TUSC3: variants seen among roughly 807,000 people sequenced by gnomAD.
TUSC3 encodes the protein tumor suppressor candidate 3.
A neutral mutation model predicts 44.8 loss-of-function variants in TUSC3; 45 were observed. That is an observed-to-expected ratio of 1.00 (90% confidence interval 0.79 to 1.29). The LOEUF (loss-of-function observed/expected upper bound fraction) is 1.29, where lower values mean the gene tolerates loss of function less well. Ranked by LOEUF, TUSC3 falls within the 50% of genes most tolerant of loss-of-function variation. TUSC3 has a pLI of 0.00. For missense variants in TUSC3, 519 were observed against 437.9 expected, an observed-to-expected ratio of 1.19 and a Z score of -1.65; for synonymous variants, 212 against 152.9, an observed-to-expected ratio of 1.39 and a Z score of -2.85.
intron 1 of TUSC3, among the ~76,000 whole-genome samples, chr8:15,593,254 T>G (rs1803929436): frequency 6.6e-6 from 1 of 151,868 alleles, no homozygotes; most frequent in Non-Finnish European, 1.5e-5. Context: ...CCTGGCTAAT[T>G]TTTGTAGTTT....
intron 6 of TUSC3, among the ~76,000 whole-genome samples, chr8:15,703,321 C>G (rs1269081813): frequency 1.3e-5 from 2 of 152,050 alleles, no homozygotes; most frequent in Non-Finnish European, 2.9e-5. Flanking sequence ...TCCAGCTACT[C>G]TATACTTTCA....
the TUSC3 span, among the ~76,000 whole-genome samples, chr8:15,777,460 G>A: frequency 1.3e-5 from 2 of 152,264 alleles, no homozygotes; most frequent in South Asian, 2.1e-4. Flanking sequence ...ACATCCCCAT[G>A]TATGCTGCTT....
chr8:15,549,450 G>A lies in TUSC3; in HGVS notation c.138+8882G>A, dbSNP rs1226299658. ...GCCTCCCAAAGTGCTGGGATTACAG[G>A]CGTGAGCCACCATGCTCGGCCTAAT... On this transcript the variant is annotated intron_variant, in intron 1 of 10. Transcript: ENST00000503731. 4.0e-5 allele frequency among the ~76,000 whole-genome samples: 6 copies of A among 151,734 alleles called. No individual in the cohort carries two copies. The East Asian group carries it at 1.2e-3, about 29-fold the overall frequency.
intron 1 of TUSC3, among the ~76,000 whole-genome samples, chr8:15,430,415 A>G (rs1286329618): frequency 6.6e-6 from 1 of 150,672 alleles, no homozygotes; most frequent in Non-Finnish European, 1.5e-5. Flanking sequence ...AAGGCCTTTG[A>G]CAAAGTTCAA....
intron 2 of TUSC3, among the ~76,000 whole-genome samples, chr8:15,500,870 T>A (rs545608551): frequency 6.6e-6 from 1 of 152,300 alleles, no homozygotes; most frequent in East Asian, 1.9e-4. Flanking sequence ...TTTCAACTGG[T>A]CACTAGCCTT....
the TUSC3 span, among the ~76,000 whole-genome samples, chr8:15,804,371 G>A: frequency 6.6e-6 from 1 of 152,102 alleles, no homozygotes; most frequent in Non-Finnish European, 1.5e-5. Context: ...ATTTACAATT[G>A]CTTTTGAGAA....
intron 3 of TUSC3, among the ~76,000 whole-genome samples, chr8:15,656,087 C>T (rs888467107): frequency 2.0e-5 from 3 of 151,998 alleles, no homozygotes; most frequent in African/African-American, 4.8e-5. Flanking sequence ...TGGGCAGAGG[C>T]AGAATATGAT....
chr8:15,743,462 C>A, intron 7 of TUSC3, 76 bp from the exon 8 acceptor site: 2 of 1,430,074 alleles, frequency 1.4e-6, no homozygotes, highest in Non-Finnish European at 2.0e-6. Context: ...CATTCTGGAA[C>A]ATTGTGTTCA....
chr8:15,575,936 A>C (rs1231649520), intron 1 of TUSC3, among the ~76,000 whole-genome samples: 1 of 151,098 alleles, frequency 6.6e-6, no homozygotes, highest in African/African-American at 2.4e-5. Context: ...AATCAAATTT[A>C]TGGTTTATAT....
chr8:15,722,408 C>G lies in TUSC3; in HGVS notation c.799-8258C>G, dbSNP rs563741925. Among the ~76,000 whole-genome samples the G allele has an allele frequency of 2.6e-5, 4 of 152,126 alleles. No homozygotes were observed. The South Asian group carries it at 8.3e-4, about 32-fold the overall frequency. The stretch of plus-strand genomic sequence containing the variant: ...CTGAATAAGACCAAGCATGGGGTCA[C>G]AGTTAACCAAAAATCTGTGGACTGA... On this transcript the variant is annotated intron_variant, in intron 6 of 10. Coordinates refer to ENST00000503731, the MANE Select transcript of TUSC3 (RefSeq NM_006765.4).
intron 7 of TUSC3, among the ~76,000 whole-genome samples, chr8:15,733,942 GC>G (rs1563196161): frequency 6.6e-6 from 1 of 152,168 alleles, no homozygotes; most frequent in African/African-American, 2.4e-5. Flanking sequence ...TACTTGGGAG[GC>G]GGAGGCAGGA....
intron 1 of TUSC3, among the ~76,000 whole-genome samples, chr8:15,465,293 G>T (rs1176860881): frequency 2.6e-5 from 4 of 152,166 alleles, no homozygotes; most frequent in Non-Finnish European, 5.9e-5. Context: ...AAGGATAGAA[G>T]TAAATGTAAC....
intron 1 of TUSC3, among the ~76,000 whole-genome samples, chr8:15,418,438 C>T (rs1454957363): frequency 6.6e-6 from 1 of 152,086 alleles, no homozygotes; most frequent in Non-Finnish European, 1.5e-5. Context: ...AACAGTATTT[C>T]TCAAACTACT....
intron 1 of TUSC3, among the ~76,000 whole-genome samples, chr8:15,441,713 G>C (rs997240424): frequency 2.0e-5 from 3 of 152,274 alleles, no homozygotes; most frequent in Admixed American, 2.0e-4. Context: ...AAAAATACTT[G>C]AATATTATTA....
intron 6 of TUSC3, chr8:15,689,255 C>G: frequency 2.8e-6 from 1 of 352,700 alleles, no homozygotes; most frequent in Non-Finnish European, 5.6e-6. Flanking sequence ...GGATGGGAAT[C>G]GATCCACTTG....
chr8:15,651,047 G>A, intron 3 of TUSC3: 2 of 490,490 alleles, frequency 4.1e-6, no homozygotes, highest in Non-Finnish European at 7.4e-6. Flanking sequence ...CAATAGGTTA[G>A]TAAATACAAT....
chr8:15,423,980 T>TGTG (rs1183039053), intron 1 of TUSC3, among the ~76,000 whole-genome samples: 2 of 57,438 alleles, frequency 3.5e-5, no homozygotes, highest in Admixed American at 2.3e-4. Flanking sequence ...TTTTTTTTTT[T>TGTG]TTTTTTTTTT....
At chr8:15,491,129 A>G (rs573686300) in intron 2 of TUSC3, among the ~76,000 whole-genome samples, 2 of 152,332 alleles carry the variant, frequency 1.3e-5, no homozygotes, top group South Asian at 2.1e-4. Flanking sequence ...GCATTTTTAT[A>G]TAAGATAAAA....
At chr8:15,532,831 T>A (rs1801468287) in intron 2 of TUSC3, among the ~76,000 whole-genome samples, 1 of 152,196 alleles carries the variant, frequency 6.6e-6, no homozygotes, top group African/African-American at 2.4e-5. Context: ...TCGCTCTTGT[T>A]GCCCAGGCTG....
Sources: gnomAD v4.1 joint callset for allele counts (sites outside exome capture counted in the v4.1 genomes callset) on GRCh38, gnomAD v4.1.1 for gene constraint, MANE v1.5 for transcripts, NCBI Gene and HGNC (gene_info 2026-07-23, HGNC 2026-07-21) for gene names.